Variants in PCDHA2 observed in about 807,000 individuals in gnomAD.
PCDHA2 encodes the protein protocadherin alpha-2.
A neutral mutation model predicts 66.0 loss-of-function variants in PCDHA2; 58 were observed. The observed-to-expected ratio is 0.88, with a 90% CI of 0.71 to 1.09. PCDHA2 has a LOEUF of 1.09. PCDHA2 is among the 50% of genes least tolerant of loss of function. The pLI is 0.00. For missense variants in PCDHA2, 1,267 were observed against 1,242.3 expected, an observed-to-expected ratio of 1.02 and a Z score of -0.30; for synonymous variants, 634 against 554.0, an observed-to-expected ratio of 1.14 and a Z score of -2.03.
At chr5:140,799,235 A>G (rs1338344867) in intron 1 of PCDHA2, among the ~76,000 whole-genome samples, 1 of 152,056 alleles carries the variant, frequency 6.6e-6, no homozygotes, top group Non-Finnish European at 1.5e-5. Flanking sequence ...TATTACCTTT[A>G]TCTCTTAATA....
intron 1 of PCDHA2, among the ~76,000 whole-genome samples, chr5:140,945,280 A>G (rs1482777954): frequency 6.6e-6 from 1 of 152,146 alleles, no homozygotes; most frequent in Non-Finnish European, 1.5e-5. Flanking sequence ...ACTTTAAAAC[A>G]TTGATGAAAG....
intron 1 of PCDHA2, chr5:140,877,979 A>G (rs2057420487): frequency 4.9e-6 from 6 of 1,227,544 alleles, no homozygotes; most frequent in Non-Finnish European, 5.4e-6. Flanking sequence ...ATTCTTACTC[A>G]TTTTGAACTT....
intron 3 of PCDHA2, among the ~76,000 whole-genome samples, chr5:141,009,142 G>T (rs1374390797): frequency 2.0e-5 from 3 of 152,204 alleles, no homozygotes; most frequent in Non-Finnish European, 4.4e-5. Context: ...GAAAAAACCT[G>T]CCCTCTTGCT....
rs374885355 is a variant in PCDHA2, at chr5:140,796,880, A to G, written c.1916A>G (p.Glu639Gly). 2 of 1,613,862 alleles carry G rather than the reference A, an allele frequency of 1.2e-6. No individual in the cohort carries two copies. The highest frequency in any genetic ancestry group is 2.7e-5 in the African/African-American group (2 of 74,922). ...GEISTTRALD[E>G]ADSPRHRLLV... Reference sequence around the variant, plus strand: ...ATCAGCACGACACGTGCCCTAGACGAGGCTGACTCCCCTCGACACCGCCTA... The same window carrying G: ...ATCAGCACGACACGTGCCCTAGACGGGGCTGACTCCCCTCGACACCGCCTA... Residue 639 changes from glutamate (E) to glycine (G), a missense_variant, in exon 1 of 4, where the codon GAG becomes GGG. Glu to Gly is a moderately conservative substitution (Grantham distance 98). Transcript: ENST00000526136.
chr5:140,828,408 T>C, intron 1 of PCDHA2: 3 of 1,614,250 alleles, frequency 1.9e-6, no homozygotes, highest in Non-Finnish European at 2.5e-6. Context: ...AGCATCCACC[T>C]GGAGGTGATC....
chr5:140,818,874 C>T (rs1462838242), intron 1 of PCDHA2, among the ~76,000 whole-genome samples: 5 of 152,164 alleles, frequency 3.3e-5, no homozygotes, highest in African/African-American at 1.2e-4. Context: ...AAAAAAGATG[C>T]CTGAGATTGC....
chr5:140,934,709 C>T (rs991669354), intron 1 of PCDHA2, among the ~76,000 whole-genome samples: 2 of 152,084 alleles, frequency 1.3e-5, no homozygotes, highest in Non-Finnish European at 1.5e-5. Flanking sequence ...GGCCATCTTA[C>T]AAAAAGGACC....
At chr5:140,869,004 T>C in intron 1 of PCDHA2, 1 of 1,521,534 alleles carries the variant, frequency 6.6e-7, no homozygotes, top group Non-Finnish European at 8.8e-7. Context: ...AAGGATCCTT[T>C]GAAACTTCTT....
chr5:140,802,100 A>G, intron 1 of PCDHA2: 1 of 1,614,234 alleles, frequency 6.2e-7, no homozygotes, highest in East Asian at 2.2e-5. Flanking sequence ...TCAATGGACA[A>G]ATCAGTGTAA....
At chr5:141,006,007 T>C (rs1554260471) in intron 3 of PCDHA2, among the ~76,000 whole-genome samples, 1 of 151,298 alleles carries the variant, frequency 6.6e-6, no homozygotes, top group African/African-American at 2.4e-5. Flanking sequence ...AGAAGGCCTG[T>C]ATGGTTGGAG....
At chr5:140,835,882 G>A (rs1166974775) in intron 1 of PCDHA2, 4 of 1,611,972 alleles carry the variant, frequency 2.5e-6, no homozygotes, top group Non-Finnish European at 2.5e-6. Flanking sequence ...CTGCGGGTGG[G>A]CGAGCGCGCG....
chr5:140,891,409 C>A (rs1295005747), intron 1 of PCDHA2, among the ~76,000 whole-genome samples: 1 of 148,202 alleles, frequency 6.7e-6, no homozygotes. Flanking sequence ...CGCCACCCCC[C>A]ACTCTTGCCC....
intron 1 of PCDHA2, chr5:140,864,944 T>C (rs1359231248): frequency 1.3e-5 from 2 of 152,162 alleles, no homozygotes; most frequent in Non-Finnish European, 2.9e-5. Flanking sequence ...AGGCCTGTAA[T>C]CCCAGCATTT....
rs1317790189 is a variant in PCDHA2, at chr5:140,794,892, T to C, written c.-73T>C. 3 of 1,469,460 alleles carry C rather than the reference T, an allele frequency of 2.0e-6. No homozygotes were observed. The East Asian group carries it at 6.8e-5, about 33-fold the overall frequency. The allele number at this position is 1,469,460 out of a possible 1,614,324, so 91.0% of individuals were successfully genotyped here. Reference sequence around the variant, plus strand: ...AGGAATAAGAGAAGCAGCAGGACTTTAACAGAGACTAGAATATTTAAATTT... The same window carrying C: ...AGGAATAAGAGAAGCAGCAGGACTTCAACAGAGACTAGAATATTTAAATTT... On this transcript the variant is annotated 5_prime_UTR_variant, in exon 1 of 4. Coordinates refer to ENST00000526136, the MANE Select transcript of PCDHA2 (RefSeq NM_018905.3).
At chr5:140,827,617 C>T (rs2150148430) in intron 1 of PCDHA2, among the ~76,000 whole-genome samples, 1 of 152,176 alleles carries the variant, frequency 6.6e-6, no homozygotes, top group Non-Finnish European at 1.5e-5. Flanking sequence ...TTCTTTTCTA[C>T]CAAGAGTGTA....
At chr5:140,967,996 C>T in intron 1 of PCDHA2, 2 of 1,614,214 alleles carry the variant, frequency 1.2e-6, no homozygotes, top group Non-Finnish European at 1.7e-6. Flanking sequence ...CACTGCCTTT[C>T]CGACTGAATG....
chr5:140,967,327 C>T (rs2096128034), intron 1 of PCDHA2: 2 of 1,608,656 alleles, frequency 1.2e-6, no homozygotes, highest in Admixed American at 1.7e-5. Context: ...CCTACGAGCT[C>T]AGCCCCAGCG....
In PCDHA2 at chr5:140,972,316, G is replaced by GT. The variant is rs112435719; in HGVS notation, c.2389-6621dup. On this transcript the variant is annotated intron_variant, in intron 1 of 3. Coordinates refer to ENST00000526136, the MANE Select transcript of PCDHA2 (RefSeq NM_018905.3). ...CACCGTGTCTGACTAGTTTTTAGGT[G>GT]TTTTTTTTTTTTGGAAGAGATGGGG... 6.7e-3 allele frequency among the ~76,000 whole-genome samples: 929 copies of GT among 139,652 alleles called. 6 individuals carry two copies. The highest frequency in any genetic ancestry group is 0.017 in the African/African-American group (645 of 38,294). The allele number at this position is 139,652 out of a possible 152,430, so 91.6% of individuals were successfully genotyped here.
At chr5:140,803,291 G>A (rs140993239) in intron 1 of PCDHA2, 38 of 1,614,108 alleles carry the variant, frequency 2.4e-5, no homozygotes, top group African/African-American at 1.3e-4. Context: ...ATGTCAACGT[G>A]TACTTGATCG....
Sources: gnomAD v4.1 joint callset for allele counts (sites outside exome capture counted in the v4.1 genomes callset) on GRCh38, gnomAD v4.1.1 for gene constraint, MANE v1.5 for transcripts, NCBI Gene and HGNC (gene_info 2026-07-23, HGNC 2026-07-21) for gene names.